Variants in TMEM63C observed in about 807,000 individuals in gnomAD.
TMEM63C encodes osmosensitive cation channel TMEM63C.
A neutral mutation model predicts 99.2 loss-of-function variants in TMEM63C; 32 were observed. The ratio of observed to expected loss-of-function variants is 0.32; its 90% CI spans 0.24 to 0.43. TMEM63C has a LOEUF of 0.43. Ranked by LOEUF, TMEM63C falls within the 20% of genes least tolerant of loss-of-function variation. The pLI is 1.00. For missense variants in TMEM63C, 826 were observed against 1,053.0 expected, an observed-to-expected ratio of 0.78 and a Z score of 2.98; for synonymous variants, 376 against 397.9, an observed-to-expected ratio of 0.94 and a Z score of 0.66.
Position 77,259,224 on chromosome 14 carries a change from G to A in TMEM63C, c.*2498G>A, listed in dbSNP as rs1337237509. 1.3e-5 allele frequency: 2 copies of A among 152,372 alleles called. No homozygotes were observed. The highest frequency in any genetic ancestry group is 4.8e-5 in the African/African-American group (2 of 41,392). The allele number at this position is 152,372 out of a possible 1,614,324, so 9.4% of individuals were successfully genotyped here. On this transcript the variant is annotated 3_prime_UTR_variant, in exon 24 of 24. Coordinates refer to ENST00000298351, the MANE Select transcript of TMEM63C (RefSeq NM_020431.4). ...TCACCTCCTGACTTAATCCTTTCTG[G>A]AAGGAGCTGCCGCCCAGGAACCGGT... is the stretch of plus-strand genomic sequence containing the variant.
chr14:77,216,703 G>A lies in TMEM63C; in HGVS notation c.-13-2098G>A, dbSNP rs187075530. On this transcript the variant is annotated intron_variant, in intron 2 of 23. Transcript: ENST00000298351. ...TTTCACATCCCCTATCTAATCTGCC[G>A]GCAAATCTTGTTGGCTCCACATTCA... 5.9e-5 allele frequency among the ~76,000 whole-genome samples: 9 copies of A among 152,126 alleles called. No homozygotes were observed. In the East Asian group the frequency reaches 9.7e-4, roughly 16 times the overall value.
At chr14:77,230,784 G>A (rs1888925208) in intron 6 of TMEM63C, among the ~76,000 whole-genome samples, 2 of 152,054 alleles carry the variant, frequency 1.3e-5, no homozygotes, top group Admixed American at 1.3e-4. Flanking sequence ...ACTGGTCCCT[G>A]GTGCCAAAAA....
intron 6 of TMEM63C, among the ~76,000 whole-genome samples, chr14:77,228,565 C>G (rs1888876110): frequency 6.7e-6 from 1 of 148,368 alleles, no homozygotes; most frequent in African/African-American, 2.5e-5. Context: ...AAGACGGAGT[C>G]TCACTCTGTC....
chr14:77,200,464 C>G (rs763628263), intron 1 of TMEM63C, among the ~76,000 whole-genome samples: 7 of 152,246 alleles, frequency 4.6e-5, no homozygotes, highest in Admixed American at 6.5e-5. Context: ...TCATGCCCCC[C>G]AGGCCCTGTG....
intron 1 of TMEM63C, among the ~76,000 whole-genome samples, chr14:77,183,750 T>C (rs1011183): frequency 0.36 from 55,120 of 152,008 alleles, 10,487 homozygotes; most frequent in Admixed American, 0.5. Context: ...ACAGGAGCCT[T>C]GGGTTGCATG....
chr14:77,198,123 G>A (rs777457056), intron 1 of TMEM63C, among the ~76,000 whole-genome samples: 5 of 152,232 alleles, frequency 3.3e-5, no homozygotes, highest in Non-Finnish European at 5.9e-5. Context: ...GGCAGTGACC[G>A]CAGTTATAAT....
chr14:77,211,869 AC>A (rs748482950), intron 1 of TMEM63C, among the ~76,000 whole-genome samples: 2 of 152,220 alleles, frequency 1.3e-5, no homozygotes, highest in African/African-American at 2.4e-5. Context: ...ACCCTGACTC[AC>A]CAACCAGAAT....
chr14:77,240,447 C>T (rs770458951), intron 12 of TMEM63C, 28 bp from the exon 13 acceptor site: 3 of 1,598,148 alleles, frequency 1.9e-6, no homozygotes, highest in South Asian at 2.2e-5. Context: ...GCTCTGGCCC[C>T]AGCCCTGAAG....
chr14:77,244,058 A>T (rs1889228262), intron 15 of TMEM63C, among the ~76,000 whole-genome samples: 1 of 151,490 alleles, frequency 6.6e-6, no homozygotes, highest in African/African-American at 2.4e-5. Flanking sequence ...AGCAAAGGCA[A>T]TTTGCTGGGG....
intron 8 of TMEM63C, among the ~76,000 whole-genome samples, chr14:77,234,028 T>C (rs534663996): frequency 3.9e-5 from 6 of 152,150 alleles, no homozygotes; most frequent in Non-Finnish European, 8.8e-5. Flanking sequence ...CTGGTGGACA[T>C]GCTCTCTAAG....
At chr14:77,204,393 C>G (rs1888360846) in intron 1 of TMEM63C, among the ~76,000 whole-genome samples, 1 of 152,226 alleles carries the variant, frequency 6.6e-6, no homozygotes, top group African/African-American at 2.4e-5. Flanking sequence ...TGCTCACCAG[C>G]AGCTCCCTTT....
chr14:77,253,416 C>A (rs759364857), intron 23 of TMEM63C, 40 bp downstream of exon 23: 1 of 1,556,440 alleles, frequency 6.4e-7, no homozygotes, highest in Non-Finnish European at 8.7e-7. Flanking sequence ...GAGGGTGGTG[C>A]TTGCAGGGAT....
chr14:77,231,491 G>A (rs1039469286), intron 6 of TMEM63C, 97 bp from the exon 7 acceptor site: 2 of 1,382,366 alleles, frequency 1.4e-6, no homozygotes, highest in South Asian at 1.3e-5. Flanking sequence ...AACTTGGGGA[G>A]GGGGTGATCA....
At chr14:77,216,127 G>GGAGAGA (rs34226160) in intron 2 of TMEM63C, among the ~76,000 whole-genome samples, 49 of 148,972 alleles carry the variant, frequency 3.3e-4, no homozygotes, top group Non-Finnish European at 4.8e-4. Context: ...AAGGAGGGAG[G>GGAGAGA]GAGAGAGAGA....
intron 7 of TMEM63C, 41 bp downstream of exon 7, chr14:77,231,771 T>C: frequency 6.5e-7 from 1 of 1,549,448 alleles, no homozygotes; most frequent in East Asian, 2.4e-5. Flanking sequence ...CAGCTGGACC[T>C]GAGAGGCAGC....
At chr14:77,202,829 A>G (rs1267534214) in intron 1 of TMEM63C, among the ~76,000 whole-genome samples, 2 of 16,264 alleles carry the variant, frequency 1.2e-4, no homozygotes, top group African/African-American at 5.9e-4. Flanking sequence ...GCAGGCGCAC[A>G]CACACACACA....
At chr14:77,211,392 G>A (rs1018653944) in intron 1 of TMEM63C, among the ~76,000 whole-genome samples, 4 of 152,148 alleles carry the variant, frequency 2.6e-5, no homozygotes, top group South Asian at 2.1e-4. Context: ...CATACCCTAG[G>A]GTACTTATGA....
At chr14:77,248,200 G>A (rs184717394) in intron 18 of TMEM63C, 147 bp from the exon 19 acceptor site, 2 of 707,936 alleles carry the variant, frequency 2.8e-6, no homozygotes, top group Admixed American at 2.9e-5. Context: ...GAAAAAGAAA[G>A]AGAGGAAATG....
chr14:77,242,820 C>T (rs2140127097), intron 14 of TMEM63C, 83 bp from the exon 15 acceptor site: 1 of 1,536,212 alleles, frequency 6.5e-7, no homozygotes, highest in Admixed American at 1.7e-5. Context: ...CAGGCTGGGT[C>T]CACAGCTGGC....
Sources: allele counts gnomAD v4.1 joint callset (sites outside exome capture counted in the v4.1 genomes callset), GRCh38; gene constraint gnomAD v4.1.1; transcripts MANE v1.5; gene names NCBI Gene and HGNC (gene_info 2026-07-23, HGNC 2026-07-21).